PTPRM: variants seen among roughly 807,000 people sequenced by gnomAD.
PTPRM encodes the protein protein tyrosine phosphatase receptor type M, also known as receptor-type tyrosine-protein phosphatase mu.
Under a neutral mutation model 186.7 loss-of-function variants are expected in PTPRM, and 47 were observed. The observed-to-expected ratio is 0.25, with a 90% confidence interval of 0.20 to 0.32. PTPRM has a LOEUF of 0.32. Ranked by LOEUF, PTPRM falls within the 10% of genes least tolerant of loss-of-function variation. PTPRM has a pLI of 1.00. For missense variants in PTPRM, 1,494 were observed against 1,865.0 expected (o/e 0.80, Z 3.66); for synonymous variants, 668 against 674.9 (o/e 0.99, Z 0.16).
chr18:8,381,737 G>T (rs143853565), intron 29 of PTPRM, among the ~76,000 whole-genome samples: 54 of 152,226 alleles, frequency 3.5e-4, no homozygotes, highest in African/African-American at 1.3e-3. Context: ...AGAACCAAGG[G>T]TCCTGATTTT....
chr18:8,134,648 GGC>G, intron 13 of PTPRM, among the ~76,000 whole-genome samples: 1 of 152,062 alleles, frequency 6.6e-6, no homozygotes, highest in Non-Finnish European at 1.5e-5. Context: ...TCTGCACTTT[GGC>G]CAGGAAGTCC....
chr18:7,979,021 C>T (rs148574615), intron 7 of PTPRM, among the ~76,000 whole-genome samples: 1 of 152,100 alleles, frequency 6.6e-6, no homozygotes, highest in African/African-American at 2.4e-5. Context: ...TTGAATGTTG[C>T]CTGGGTGACC....
chr18:7,810,045 G>A (rs2044429010), intron 2 of PTPRM, among the ~76,000 whole-genome samples: 1 of 152,224 alleles, frequency 6.6e-6, no homozygotes, highest in Admixed American at 6.5e-5. Flanking sequence ...ATAGGAGGCA[G>A]GTGGAACCTG....
chr18:8,297,603 T>C (rs1026971180), intron 20 of PTPRM, among the ~76,000 whole-genome samples: 1 of 152,248 alleles, frequency 6.6e-6, no homozygotes, highest in Non-Finnish European at 1.5e-5. Context: ...TTCAAGAGTT[T>C]GACAACATGA....
At chr18:7,739,204 T>A (rs1459306109) in intron 1 of PTPRM, among the ~76,000 whole-genome samples, 1 of 152,172 alleles carries the variant, frequency 6.6e-6, no homozygotes. Context: ...TTTTCCCCTT[T>A]CCAATTTGTT....
intron 7 of PTPRM, among the ~76,000 whole-genome samples, chr18:7,976,760 A>G (rs1459686954): frequency 2.6e-5 from 4 of 152,174 alleles, no homozygotes; most frequent in African/African-American, 9.7e-5. Context: ...GGAGTAAGCA[A>G]CTGACAGTGG....
chr18:7,633,853 C>T (rs757318860), intron 1 of PTPRM, among the ~76,000 whole-genome samples: 2 of 152,138 alleles, frequency 1.3e-5, no homozygotes, highest in Non-Finnish European at 2.9e-5. Context: ...TATTTCCAAC[C>T]ACCATCCCGG....
At chr18:7,617,822 C>A (rs1047376484) in intron 1 of PTPRM, among the ~76,000 whole-genome samples, 3 of 152,132 alleles carry the variant, frequency 2.0e-5, no homozygotes, top group African/African-American at 7.2e-5. Context: ...TGAGGAATGC[C>A]GCATTGTTGA....
At chr18:7,764,365 A>G (rs2041922988) in intron 1 of PTPRM, among the ~76,000 whole-genome samples, 2 of 152,362 alleles carry the variant, frequency 1.3e-5, no homozygotes, top group South Asian at 4.1e-4. Flanking sequence ...TAATTTATAC[A>G]TAAACACACA....
rs147816263 is a variant in PTPRM at position 7,711,201 on chromosome 18, G to A, written c.74-62948G>A. 4.7e-3 allele frequency among the ~76,000 whole-genome samples: 723 copies of A among 152,242 alleles called. 7 individuals carry two copies. Among genetic ancestry groups the A allele is most frequent in the African/African-American group, 0.016 (651 of 41,554 alleles). ...GGAGGGCAAGCAGAAACAGGGTGGG[G>A]CATTGCCTCACCCGGGAAGCTCAAG... On this transcript the variant is annotated intron_variant, in intron 1 of 32. Transcript: ENST00000580170.
intron 2 of PTPRM, among the ~76,000 whole-genome samples, chr18:7,824,176 G>A (rs750570827): frequency 9.2e-5 from 14 of 152,214 alleles, no homozygotes; most frequent in Admixed American, 2.0e-4. Context: ...GAAGGTCAGA[G>A]CACCATTGTT....
chr18:8,355,186 G>C lies in PTPRM; in HGVS notation c.3054+11666G>C, dbSNP rs141378277. Among the ~76,000 whole-genome samples, 1,208 of 152,240 alleles carry C rather than the reference G, an allele frequency of 7.9e-3. 11 individuals carry two copies. Among genetic ancestry groups the C allele is most frequent in the African/African-American group, 0.028 (1,162 of 41,536 alleles). Reference sequence around the variant, plus strand: ...CACAGGGAGGGGGCATCAAGCAAAGGGATGAAATTCCGTGATAAAGGTTTC... The same window carrying C: ...CACAGGGAGGGGGCATCAAGCAAAGCGATGAAATTCCGTGATAAAGGTTTC... On this transcript the variant is annotated intron_variant, in intron 23 of 32. Coordinates refer to ENST00000580170, the MANE Select transcript of PTPRM (RefSeq NM_001105244.2).
chr18:7,963,648 G>A (rs2053828285), intron 7 of PTPRM, among the ~76,000 whole-genome samples: 2 of 152,170 alleles, frequency 1.3e-5, no homozygotes, highest in Admixed American at 1.3e-4. Flanking sequence ...GCTGGAGATT[G>A]CAGTCGGGGG....
At chr18:7,762,693 G>A (rs905059321) in intron 1 of PTPRM, among the ~76,000 whole-genome samples, 2 of 152,248 alleles carry the variant, frequency 1.3e-5, no homozygotes, top group African/African-American at 2.4e-5. Context: ...CAAATCAAAC[G>A]GGAACATGAG....
chr18:7,569,807 T>A (rs1023386717), intron 1 of PTPRM, among the ~76,000 whole-genome samples: 14 of 152,220 alleles, frequency 9.2e-5, no homozygotes, highest in African/African-American at 3.4e-4. Flanking sequence ...TTAGCCTGAT[T>A]TTTCATTTGG....
At chr18:7,704,211 CT>C (rs1323878500) in intron 1 of PTPRM, among the ~76,000 whole-genome samples, 1 of 152,114 alleles carries the variant, frequency 6.6e-6, no homozygotes, top group Non-Finnish European at 1.5e-5. Context: ...AGGATTTCCT[CT>C]TTTTCTTTTA....
At chr18:8,100,971 T>C (rs2091267049) in intron 11 of PTPRM, among the ~76,000 whole-genome samples, 2 of 152,214 alleles carry the variant, frequency 1.3e-5, no homozygotes, top group African/African-American at 4.8e-5. Flanking sequence ...TTGACAATAC[T>C]TCTATAGAAG....
At chr18:7,942,347 A>G (rs2052232741) in intron 5 of PTPRM, among the ~76,000 whole-genome samples, 1 of 152,114 alleles carries the variant, frequency 6.6e-6, no homozygotes. Flanking sequence ...GAAAATGAAG[A>G]CCCGAATACT....
intron 31 of PTPRM, among the ~76,000 whole-genome samples, chr18:8,391,076 A>G (rs532047120): frequency 6.6e-6 from 1 of 152,280 alleles, no homozygotes; most frequent in Admixed American, 6.5e-5. Context: ...TACTCACCAG[A>G]ATGGCTGAAA....
Sources: gnomAD v4.1 joint callset for allele counts (sites outside exome capture counted in the v4.1 genomes callset) on GRCh38, gnomAD v4.1.1 for gene constraint, MANE v1.5 for transcripts, NCBI Gene and HGNC (gene_info 2026-07-23, HGNC 2026-07-21) for gene names.